CPVL: variants seen among roughly 807,000 people sequenced by gnomAD.
CPVL encodes the protein carboxypeptidase vitellogenic like.
CPVL carries 51 observed loss-of-function variants against 63.7 expected under a neutral mutation model. That is an observed-to-expected ratio of 0.80 (90% CI 0.64 to 1.01). The LOEUF is 1.01. Among genes scored for constraint, CPVL ranks in the 50% least tolerant of loss-of-function variants. The pLI is 0.00. For synonymous variants in CPVL, 195 were observed against 206.0 expected (o/e 0.95, Z 0.46); for missense variants, 530 against 573.1 (o/e 0.92, Z 0.77).
In CPVL at chr7:29,045,530, C is replaced by T. The variant is rs555076604; in HGVS notation, c.1138-14771G>A. 9.2e-5 allele frequency among the ~76,000 whole-genome samples: 14 copies of T among 152,188 alleles called. No homozygotes were observed. The South Asian group carries it at 2.9e-3, about 32-fold the overall frequency. On this transcript the variant is annotated intron_variant, in intron 11 of 12. Coordinates refer to ENST00000265394, the MANE Select transcript of CPVL (RefSeq NM_031311.5). Reference sequence around the variant, plus strand: ...GCTACTTCCTCCTCCCAGAAGTTTTCGTGAAATGATACTGGCATTCTCTTC... The same window carrying T: ...GCTACTTCCTCCTCCCAGAAGTTTTTGTGAAATGATACTGGCATTCTCTTC...
chr7:29,143,308 G>A (rs1239402145), intron 1 of CPVL, among the ~76,000 whole-genome samples: 3 of 152,106 alleles, frequency 2.0e-5, no homozygotes, highest in Non-Finnish European at 4.4e-5. Context: ...CAAACCTCCA[G>A]GCAAACAGTA....
chr7:29,088,789 AC>A (rs1225892766), intron 6 of CPVL, among the ~76,000 whole-genome samples: 1 of 152,150 alleles, frequency 6.6e-6, no homozygotes, highest in Non-Finnish European at 1.5e-5. Context: ...ATTCTGGCCA[AC>A]GTGGTGAAAC....
At chr7:29,073,310 T>C (rs914032339) in intron 7 of CPVL, among the ~76,000 whole-genome samples, 1 of 152,184 alleles carries the variant, frequency 6.6e-6, no homozygotes, top group African/African-American at 2.4e-5. Flanking sequence ...GCTCTACCTA[T>C]TCTAACAAAA....
At chr7:29,129,340 A>T (rs1436774864) in intron 1 of CPVL, among the ~76,000 whole-genome samples, 1 of 152,202 alleles carries the variant, frequency 6.6e-6, no homozygotes. Flanking sequence ...GAGTAACTGC[A>T]TGAATTGTTA....
At chr7:29,027,737 A>G (rs1289236421) in intron 12 of CPVL, among the ~76,000 whole-genome samples, 1 of 152,216 alleles carries the variant, frequency 6.6e-6, no homozygotes, top group African/African-American at 2.4e-5. Context: ...CAATAGCTAC[A>G]AAAGAAATAA....
intron 2 of CPVL, among the ~76,000 whole-genome samples, chr7:29,116,498 A>T (rs549017364): frequency 2.0e-5 from 3 of 152,312 alleles, no homozygotes; most frequent in Admixed American, 2.0e-4. Context: ...CTTTGAAGTG[A>T]TTTTACTTCC....
At chr7:29,093,004 T>C (rs1785986385) in intron 5 of CPVL, among the ~76,000 whole-genome samples, 1 of 152,130 alleles carries the variant, frequency 6.6e-6, no homozygotes, top group Non-Finnish European at 1.5e-5. Flanking sequence ...GAAGAAGGAT[T>C]CATCTTTTCC....
At chr7:29,179,753 C>T (rs948254423) in intron 5 of CPVL, among the ~76,000 whole-genome samples, 2 of 152,048 alleles carry the variant, frequency 1.3e-5, no homozygotes, top group Admixed American at 6.5e-5. Flanking sequence ...ATGCAAAACA[C>T]GGGTAAGAAC....
At chr7:29,194,823 C>T in intron 1 of CPVL, 1 of 875,836 alleles carries the variant, frequency 1.1e-6, no homozygotes, top group Non-Finnish European at 1.6e-6. Flanking sequence ...GCTTTCTGCG[C>T]GTCCCCAGGA....
chr7:29,177,556 C>G (rs942435730), intron 5 of CPVL, among the ~76,000 whole-genome samples: 2 of 147,542 alleles, frequency 1.4e-5, no homozygotes, highest in African/African-American at 5.1e-5. Flanking sequence ...GCCTGGCCCC[C>G]TCACTTTTTT....
At chr7:29,129,552 T>C (rs1790460347) in intron 1 of CPVL, among the ~76,000 whole-genome samples, 1 of 150,642 alleles carries the variant, frequency 6.6e-6, no homozygotes, top group African/African-American at 2.4e-5. Context: ...TCATGCAACC[T>C]CTGCCTCCCA....
chr7:29,116,525 C>G (rs190391782), intron 2 of CPVL, among the ~76,000 whole-genome samples: 2 of 152,292 alleles, frequency 1.3e-5, no homozygotes, highest in East Asian at 3.9e-4. Context: ...TTTTTTACTG[C>G]TGCAACCAAT....
Position 29,071,829 on chromosome 7 carries a change from G to A in CPVL, c.808C>T (p.Gln270Ter), listed in dbSNP as rs1783772111. 6.2e-7 allele frequency: 1 copy of A among 1,613,266 alleles called. No homozygotes were observed. Among genetic ancestry groups the A allele is most frequent in the Non-Finnish European group, 8.5e-7 (1 of 1,179,878 alleles). Residue 270 changes from glutamine to a stop codon, truncating the protein, a stop_gained, in exon 9 of 13, where the codon CAG (glutamine) becomes TAG (stop). Transcript: ENST00000265394. LOFTEE classifies it high-confidence loss of function. ...DEKQKKYFQK[Q>*]CHECIEHIRK... ...ATGTGTTCTATGCATTCATGGCACTGCTTCTGGAAGTACTTTTTTTGCTTC... is the reference window on the plus strand; with the variant it reads ...ATGTGTTCTATGCATTCATGGCACTACTTCTGGAAGTACTTTTTTTGCTTC...
intron 2 of CPVL, among the ~76,000 whole-genome samples, chr7:29,113,483 T>A (rs1253708477): frequency 6.6e-6 from 1 of 152,120 alleles, no homozygotes; most frequent in Non-Finnish European, 1.5e-5. Context: ...GGCGTTCTTA[T>A]GGCACCATTG....
At chr7:29,033,465 C>G (rs1426197705) in intron 11 of CPVL, among the ~76,000 whole-genome samples, 1 of 152,184 alleles carries the variant, frequency 6.6e-6, no homozygotes, top group Non-Finnish European at 1.5e-5. Context: ...CCAAATATGT[C>G]TACACACTCA....
intron 2 of CPVL, among the ~76,000 whole-genome samples, chr7:29,116,945 G>C (rs894970376): frequency 2.0e-5 from 3 of 152,146 alleles, no homozygotes; most frequent in South Asian, 2.1e-4. Flanking sequence ...CTAGGGTTTT[G>C]ACAGACTCGA....
intron 1 of CPVL, among the ~76,000 whole-genome samples, chr7:29,134,762 A>T (rs1188187060): frequency 6.6e-6 from 1 of 152,166 alleles, no homozygotes; most frequent in African/African-American, 2.4e-5. Context: ...GATTGGTTCC[A>T]GAAGACCAAT....
At chr7:29,144,209 G>C (rs568761178) in intron 1 of CPVL, among the ~76,000 whole-genome samples, 1 of 152,064 alleles carries the variant, frequency 6.6e-6, no homozygotes, top group Non-Finnish European at 1.5e-5. Flanking sequence ...TAAAGCCATC[G>C]GAAATGGTAA....
chr7:29,127,069 T>A (rs768223984), intron 1 of CPVL: 7 of 152,076 alleles, frequency 4.6e-5, no homozygotes, highest in Non-Finnish European at 1.0e-4. Context: ...TGCCACCATA[T>A]CCTTGGATGT....
Sources: gnomAD v4.1 joint callset for allele counts (sites outside exome capture counted in the v4.1 genomes callset) on GRCh38, gnomAD v4.1.1 for gene constraint, MANE v1.5 for transcripts, NCBI Gene and HGNC (gene_info 2026-07-23, HGNC 2026-07-21) for gene names.